Variants in STXBP4 observed in about 807,000 individuals in gnomAD.
STXBP4 encodes syntaxin binding protein 4.
Under a neutral mutation model 76.1 loss-of-function variants are expected in STXBP4, and 55 were observed. That is an observed-to-expected ratio of 0.72 (90% CI 0.58 to 0.91). The LOEUF (loss-of-function observed/expected upper bound fraction) is 0.91, where lower values mean the gene tolerates loss of function less well. STXBP4 is among the 40% of genes least tolerant of loss of function. The probability of loss-of-function intolerance (pLI) is 0.00; values close to 1 mark genes in which losing one functional copy is unlikely to be tolerated. For missense variants in STXBP4, 618 were observed against 636.9 expected (o/e 0.97, Z 0.32); for synonymous variants, 201 against 220.2 (o/e 0.91, Z 0.77).
At chr17:55,029,169 G>T (rs1046169923) in intron 8 of STXBP4, among the ~76,000 whole-genome samples, 2 of 152,012 alleles carry the variant, frequency 1.3e-5, no homozygotes, top group African/African-American at 4.8e-5. Context: ...AACTAGTTTT[G>T]CAGACAATAT....
At chr17:55,211,816 T>G in the STXBP4 span, among the ~76,000 whole-genome samples, 94 of 133,536 alleles carry the variant, frequency 7.0e-4, 2 homozygotes, top group African/African-American at 2.6e-3. Context: ...TTTTTTTTTT[T>G]TTTTTTTTTT....
intron 8 of STXBP4, among the ~76,000 whole-genome samples, chr17:55,013,485 T>G (rs1046439711): frequency 1.3e-5 from 2 of 152,330 alleles, no homozygotes; most frequent in South Asian, 4.1e-4. Context: ...CTCTCTTAGT[T>G]GCTTTAGGGT....
rs568352953 is a variant in STXBP4 at position 55,015,724 on chromosome 17, AG to A, written c.666+8132del. ...CTCCTTTTGTACCGTTTGGGTTGAA[AG>A]GGGGTCCTTATTAGTTGGGGAAGGA... On this transcript the variant is annotated intron_variant, in intron 8 of 17. Transcript: ENST00000376352. 1.9e-4 allele frequency among the ~76,000 whole-genome samples: 26 copies of A among 134,492 alleles called. 1 individual carries two copies. The highest frequency in any genetic ancestry group is 1.7e-3 in the South Asian group (7 of 4,164). 88.2% of individuals were successfully genotyped at this position (134,492 alleles called of 152,430 possible). A position where few individuals can be genotyped will look rare whatever the true frequency, so the allele number is the denominator to read the frequency against.
chr17:55,196,970 C>T, the STXBP4 span, among the ~76,000 whole-genome samples: 2 of 152,158 alleles, frequency 1.3e-5, no homozygotes, highest in African/African-American at 4.8e-5. Flanking sequence ...ATGAAAGCCA[C>T]GTTCTCTTTA....
rs556124683 is a variant in STXBP4 at position 54,987,231 on chromosome 17, C to T, written c.47+965C>T. On this transcript the variant is annotated intron_variant, in intron 3 of 17. Coordinates refer to ENST00000376352, the MANE Select transcript of STXBP4 (RefSeq NM_178509.6). ...ACAAGGCATATTAAAAAAAATCTTGCTGTTATTCTAGTCTTCACTGTGTGC... is the reference window on the plus strand; with the variant it reads ...ACAAGGCATATTAAAAAAAATCTTGTTGTTATTCTAGTCTTCACTGTGTGC... Among the ~76,000 whole-genome samples the T allele has an allele frequency of 2.6e-5, 4 of 152,264 alleles. No homozygotes were observed. In the South Asian group the frequency reaches 8.3e-4, roughly 32 times the overall value.
the STXBP4 span, among the ~76,000 whole-genome samples, chr17:55,184,330 TATC>T: frequency 2.6e-5 from 4 of 152,304 alleles, no homozygotes; most frequent in African/African-American, 4.8e-5. Flanking sequence ...AAAAAGTTAT[TATC>T]ATAATGTATA....
At chr17:54,994,095 A>G (rs910721025) in intron 4 of STXBP4, among the ~76,000 whole-genome samples, 1 of 152,180 alleles carries the variant, frequency 6.6e-6, no homozygotes, top group African/African-American at 2.4e-5. Flanking sequence ...GTTCAAGCAG[A>G]ACCAAGATTC....
chr17:55,185,227 T>TCTC, the STXBP4 span, among the ~76,000 whole-genome samples: 2 of 47,068 alleles, frequency 4.2e-5, no homozygotes, highest in African/African-American at 2.1e-4. Flanking sequence ...TTCTTCTTCT[T>TCTC]CTTCTTCTTC....
chr17:55,202,615 T>C, the STXBP4 span, among the ~76,000 whole-genome samples: 1 of 152,246 alleles, frequency 6.6e-6, no homozygotes, highest in South Asian at 2.1e-4. Flanking sequence ...GCCAATTCTA[T>C]GCTCTTTCTA....
intron 1 of STXBP4, among the ~76,000 whole-genome samples, chr17:54,983,931 G>A (rs2077586569): frequency 6.6e-6 from 1 of 152,098 alleles, no homozygotes; most frequent in African/African-American, 2.4e-5. Flanking sequence ...TCCCTCAGGT[G>A]GCCCTTCTTT....
At chr17:55,098,921 G>A (rs1195443069) in intron 16 of STXBP4, among the ~76,000 whole-genome samples, 1 of 152,078 alleles carries the variant, frequency 6.6e-6, no homozygotes, top group Admixed American at 6.6e-5. Context: ...AACAGTGCCT[G>A]GTACCTGGCA....
At chr17:54,993,234 C>T (rs1200815431) in intron 4 of STXBP4, among the ~76,000 whole-genome samples, 2 of 152,204 alleles carry the variant, frequency 1.3e-5, no homozygotes, top group Non-Finnish European at 2.9e-5. Flanking sequence ...ATATTCTCTA[C>T]TTAGCACTAG....
At chr17:55,153,629 A>G (rs934813613) in intron 17 of STXBP4, among the ~76,000 whole-genome samples, 2 of 152,178 alleles carry the variant, frequency 1.3e-5, no homozygotes, top group Non-Finnish European at 2.9e-5. Flanking sequence ...GTTTAGTCAG[A>G]TGTTTATTAA....
At chr17:55,015,440 T>G (rs984846519) in intron 8 of STXBP4, among the ~76,000 whole-genome samples, 1 of 152,352 alleles carries the variant, frequency 6.6e-6, no homozygotes, top group Admixed American at 6.5e-5. Context: ...ATGGCAGCAC[T>G]TCTCTCATTT....
At chr17:55,113,492 C>T (rs2079747043) in intron 16 of STXBP4, among the ~76,000 whole-genome samples, 1 of 152,106 alleles carries the variant, frequency 6.6e-6, no homozygotes, top group Non-Finnish European at 1.5e-5. Flanking sequence ...ATTTCTGTGA[C>T]TTTCTAGTGA....
chr17:55,160,716 C>G lies in STXBP4; in HGVS notation c.*805C>G, dbSNP rs1179751788. 1 of 152,510 alleles carries G rather than the reference C, an allele frequency of 6.6e-6. No homozygotes were observed. Among genetic ancestry groups the G allele is most frequent in the African/African-American group, 2.4e-5 (1 of 41,462 alleles). The allele number at this position is 152,510 out of a possible 1,614,324, so 9.4% of individuals were successfully genotyped here. On this transcript the variant is annotated 3_prime_UTR_variant, in exon 18 of 18. Coordinates refer to ENST00000376352, the MANE Select transcript of STXBP4 (RefSeq NM_178509.6). ...GCAGCTGGCTCCACAGCTGTGCATT[C>G]CACAGAGATTCAGAAGGCACCTCTT... is the stretch of plus-strand genomic sequence containing the variant.
intron 4 of STXBP4, among the ~76,000 whole-genome samples, chr17:54,998,550 G>A (rs909728189): frequency 1.3e-5 from 2 of 152,158 alleles, no homozygotes; most frequent in Admixed American, 1.3e-4. Context: ...CTTAGCAAAG[G>A]CAACACCAGG....
rs879440471 is a variant in STXBP4, at chr17:55,006,622, G to C, written c.575-884G>C. Among the ~76,000 whole-genome samples the C allele has an allele frequency of 1.3e-5, 2 of 152,062 alleles. 1 individual carries two copies. Among genetic ancestry groups the C allele is most frequent in the South Asian group, 4.2e-4 (2 of 4,806 alleles). ...GACAAAGGCTCATTTAAATAATCAG[G>C]GTATATTGAGAAGATGTAGAAAAAT... On this transcript the variant is annotated intron_variant, in intron 7 of 17. Transcript: ENST00000376352.
chr17:55,133,689 G>A lies in STXBP4; in HGVS notation c.1490-7621G>A, dbSNP rs1334549110. On this transcript the variant is annotated intron_variant, in intron 16 of 17. Coordinates refer to ENST00000376352, the MANE Select transcript of STXBP4 (RefSeq NM_178509.6). ...GACAGAGGAGAACCTAGAGAAAGCT[G>A]TGTCTTTGCAGTCGAATAAACTGTT... Among the ~76,000 whole-genome samples the A allele has an allele frequency of 2.0e-5, 3 of 152,152 alleles. No homozygotes were observed. The East Asian group carries it at 5.8e-4, about 29-fold the overall frequency.
Sources: gnomAD v4.1 joint callset for allele counts (sites outside exome capture counted in the v4.1 genomes callset) on GRCh38, gnomAD v4.1.1 for gene constraint, MANE v1.5 for transcripts, NCBI Gene and HGNC (gene_info 2026-07-23, HGNC 2026-07-21) for gene names.